Variants in MXD4 observed in about 807,000 individuals in gnomAD.
The protein encoded by MXD4 is MAX dimerization protein 4, also known as Mad4 homolog.
A neutral mutation model predicts 24.5 loss-of-function variants in MXD4; 16 were observed. The observed-to-expected ratio is 0.65, with a 90% confidence interval of 0.44 to 0.99. The LOEUF (loss-of-function observed/expected upper bound fraction) is 0.99, where lower values mean the gene tolerates loss of function less well. MXD4 is among the 50% of genes least tolerant of loss of function. The pLI, the probability that MXD4 is intolerant of heterozygous loss-of-function variation, is 0.00. For synonymous variants in MXD4, 164 were observed against 134.2 expected, an observed-to-expected ratio of 1.22 and a Z score of -1.54; for missense variants, 301 against 301.5, an observed-to-expected ratio of 1.00 and a Z score of 0.01.
intron 2 of MXD4, among the ~76,000 whole-genome samples, chr4:2,260,197 G>A (rs1174313867): frequency 1.3e-5 from 2 of 152,192 alleles, no homozygotes; most frequent in Non-Finnish European, 2.9e-5. Flanking sequence ...GGAGCCCTCT[G>A]TCTCCCTCAC....
Position 2,252,487 on chromosome 4 carries a change from T to C in MXD4, c.230A>G (p.Lys77Arg), listed in dbSNP as rs778660402. 1.4e-5 allele frequency: 22 copies of C among 1,612,332 alleles called. No homozygotes were observed. The Admixed American group carries it at 3.3e-4, about 24-fold the overall frequency. Reference sequence around the variant, plus strand: ...GTCGGGGCCCAGGGGCACCAGTTGCTTGAGCTGCTCAAGGTACAGCCTGAG... The same window carrying C: ...GTCGGGGCCCAGGGGCACCAGTTGCCTGAGCTGCTCAAGGTACAGCCTGAG... ...AKLRLYLEQL[K>R]QLVPLGPDST... Residue 77 changes from lysine (K) to arginine (R), a missense_variant, in exon 4 of 6, where the codon AAG becomes AGG. Physicochemically the swap from Lys to Arg is conservative, Grantham distance 26. Transcript: ENST00000337190.
chr4:2,252,194 G>C (rs985494441), intron 4 of MXD4, among the ~76,000 whole-genome samples: 6 of 152,058 alleles, frequency 3.9e-5, no homozygotes, highest in South Asian at 2.1e-4. Context: ...ACAAGCCACG[G>C]AACAGCCTCG....
intron 5 of MXD4, 76 bp from the exon 6 acceptor site, chr4:2,250,777 A>C (rs1407983216): frequency 6.5e-7 from 1 of 1,538,906 alleles, no homozygotes; most frequent in Non-Finnish European, 8.8e-7. Flanking sequence ...CTGGAAGCAG[A>C]AGCTCTAGGC....
At chr4:2,261,646 T>C in intron 2 of MXD4, 79 bp downstream of exon 2, 1 of 849,274 alleles carries the variant, frequency 1.2e-6, no homozygotes, top group Non-Finnish European at 1.5e-6. Context: ...GGGCCGGGAA[T>C]CGGGGCCCGG....
chr4:2,255,416 G>A (rs1189369910), intron 3 of MXD4: 4 of 456,024 alleles, frequency 8.8e-6, no homozygotes, highest in African/African-American at 8.0e-5. Flanking sequence ...CCCAGTAACA[G>A]GTCCACCTGG....
Position 2,252,465 on chromosome 4 carries a change from G to A in MXD4, c.252C>T (p.Pro84=), listed in dbSNP as rs756068425. The change falls in exon 4 of 6, where the codon CCC becomes CCT. Residue 84 remains proline (P), a synonymous_variant. Coordinates refer to ENST00000337190, the MANE Select transcript of MXD4 (RefSeq NM_006454.3). ...EQLKQLVPLG[P]DSTRHTTLSL... is the part of the protein sequence containing the mutation. ...TCAGCGTGGTGTGGCGGGTGCTGTC[G>A]GGGCCCAGGGGCACCAGTTGCTTGA... is the stretch of plus-strand genomic sequence containing the variant. 6.8e-6 allele frequency: 11 copies of A among 1,611,506 alleles called. No individual in the cohort carries two copies. The Admixed American group carries it at 8.3e-5, about 12-fold the overall frequency.
intron 2 of MXD4, chr4:2,258,913 C>T: frequency 2.2e-6 from 1 of 456,142 alleles, no homozygotes; most frequent in South Asian, 1.5e-5. Context: ...CGCGGGCACA[C>T]AATTCCCAGC....
intron 3 of MXD4, among the ~76,000 whole-genome samples, chr4:2,255,660 C>T (rs753231037): frequency 1.3e-5 from 2 of 152,226 alleles, no homozygotes; most frequent in Non-Finnish European, 2.9e-5. Flanking sequence ...ACGGCTGTCC[C>T]TGGGCATCCA....
chr4:2,250,790 A>G lies in MXD4; in HGVS notation c.473-89T>C, dbSNP rs535527863. The G allele has an allele frequency of 4.0e-5, 60 of 1,485,790 alleles. No individual in the cohort carries two copies. In the East Asian group the frequency reaches 1.3e-3, roughly 33 times the overall value. 92.0% of individuals were successfully genotyped at this position (1,485,790 alleles called of 1,614,324 possible). Reference sequence around the variant, plus strand: ...TTCTGGAAGCAGAAGCTCTAGGCAGAGGGGCAGAAGTGCGGAGGGCGCTGT... The same window carrying G: ...TTCTGGAAGCAGAAGCTCTAGGCAGGGGGGCAGAAGTGCGGAGGGCGCTGT... On this transcript the variant is annotated intron_variant, in intron 5 of 5. Transcript: ENST00000337190.
At chr4:2,253,136 GC>G (rs1735357961) in intron 3 of MXD4, 2 of 153,910 alleles carry the variant, frequency 1.3e-5, no homozygotes, top group African/African-American at 4.8e-5. Flanking sequence ...AGTGGTGCTT[GC>G]TTGCTTGTTC....
Position 2,251,131 on chromosome 4 carries a change from C to T in MXD4, c.425G>A (p.Arg142His), listed in dbSNP as rs1363301183. The T allele has an allele frequency of 3.8e-6, 6 of 1,599,832 alleles. No individual in the cohort carries two copies. The highest frequency in any genetic ancestry group is 1.7e-5 in the Admixed American group (1 of 58,750). Residue 142 changes from arginine (R) to histidine (H), a missense_variant, in exon 5 of 6, where the codon CGC (arginine) becomes CAC (histidine). Physicochemically the swap from Arg to His is conservative, Grantham distance 29 (BLOSUM62 0). Coordinates refer to ENST00000337190, the MANE Select transcript of MXD4 (RefSeq NM_006454.3). The part of the protein sequence containing the change: ...QLSVQSVERV[R>H]TDSTGSAVST... ...GACAGCAGAGCCCGTGCTATCTGTG[C>T]GCACGCGCTCCACGCTCTGCACCGA...
At chr4:2,258,084 T>C in intron 2 of MXD4, 73 bp from the exon 3 acceptor site, 1 of 1,580,652 alleles carries the variant, frequency 6.3e-7, no homozygotes. Context: ...AGTGCTCTCC[T>C]AGGGGGCCAG....
In MXD4 at chr4:2,258,002, G is replaced by C; in HGVS notation, c.174C>G (p.His58Gln). Residue 58 changes from histidine (H) to glutamine (Q), a missense_variant, in exon 3 of 6, where the codon CAC (histidine) becomes CAG (glutamine). Physicochemically the swap from His to Gln is conservative, Grantham distance 24 (BLOSUM62 0). Transcript: ENST00000337190. ...VRKAPNNRSS[H>Q]NELEKHRRAK... ...CTTACCTGTGCTTTTCTAGCTCGTT[G>C]TGTGAAGACCTGTTTAGAAAGACAG... is the stretch of plus-strand genomic sequence containing the variant. 1 of 1,613,724 alleles carries C rather than the reference G, an allele frequency of 6.2e-7. No individual in the cohort carries two copies. Among genetic ancestry groups the C allele is most frequent in the East Asian group, 2.2e-5 (1 of 44,888 alleles).
In MXD4 at chr4:2,248,821, TG is replaced by T. The variant is rs1331666762; in HGVS notation, c.*1722del. ...CCATGATATGGGAATTGGCTACAGA[TG>T]TACCAGAGGCACGGCAGGCACTGCT... On this transcript the variant is annotated 3_prime_UTR_variant, in exon 6 of 6. Transcript: ENST00000337190. 6.6e-6 allele frequency: 1 copy of T among 152,256 alleles called. No homozygotes were observed. Among genetic ancestry groups the T allele is most frequent in the African/African-American group, 2.4e-5 (1 of 41,466 alleles). 9.4% of individuals were successfully genotyped at this position (152,256 alleles called of 1,614,324 possible). A position where few individuals can be genotyped will look rare whatever the true frequency, so the allele number is the denominator to read the frequency against.
chr4:2,249,719 G>A lies in MXD4; in HGVS notation c.*825C>T, dbSNP rs1179375529. Reference sequence around the variant, plus strand: ...GCAGACAGGCAGGACTACTGGGTGGGCGTGGGTGAGCAGGAGCTAGAGGGG... The same window carrying A: ...GCAGACAGGCAGGACTACTGGGTGGACGTGGGTGAGCAGGAGCTAGAGGGG... On this transcript the variant is annotated 3_prime_UTR_variant, in exon 6 of 6. Coordinates refer to ENST00000337190, the MANE Select transcript of MXD4 (RefSeq NM_006454.3). The A allele has an allele frequency of 6.6e-6, 1 of 152,318 alleles. No homozygotes were observed. The highest frequency in any genetic ancestry group is 1.5e-5 in the Non-Finnish European group (1 of 68,104). 9.4% of individuals were successfully genotyped at this position (152,318 alleles called of 1,614,324 possible).
intron 2 of MXD4, 52 bp downstream of exon 2, chr4:2,261,673 G>C (rs1193262890): frequency 3.7e-6 from 4 of 1,094,410 alleles, no homozygotes; most frequent in African/African-American, 3.4e-5. Flanking sequence ...CGCTCCGGGC[G>C]GGGGCGGGGG....
intron 2 of MXD4, chr4:2,258,992 GCC>G (rs1358400623): frequency 2.2e-6 from 1 of 455,232 alleles, no homozygotes; most frequent in Non-Finnish European, 4.4e-6. Context: ...CCAGCTCCAG[GCC>G]ACCTTCCGTG....
In MXD4 at chr4:2,248,446, C is replaced by T. The variant is rs1735243143; in HGVS notation, c.*2098G>A. ...GAATTGAGGGCAGGGACACGACCAC[C>T]TCAGGGCCCTGCAGTGCTGGCTGGG... On this transcript the variant is annotated 3_prime_UTR_variant, in exon 6 of 6. Transcript: ENST00000337190. 6.6e-6 allele frequency: 1 copy of T among 152,544 alleles called. No homozygotes were observed. 9.4% of individuals were successfully genotyped at this position (152,544 alleles called of 1,614,324 possible).
In MXD4 at chr4:2,250,585, C is replaced by G. The variant is rs780860666; in HGVS notation, c.589G>C (p.Gly197Arg). Reference sequence around the variant, plus strand: ...CGGCCCAGCCGCCGGCAGTGGGGCCCGAAGCCACTGTCGCCGCCGGTGCCA... The same window carrying G: ...CGGCCCAGCCGCCGGCAGTGGGGCCGGAAGCCACTGTCGCCGCCGGTGCCA... ...QSGTGGDSGF[G>R]PHCRRLGRPA... is the part of the protein sequence containing the mutation. Residue 197 changes from glycine to arginine, a missense_variant, in exon 6 of 6, where the codon GGG (glycine) becomes CGG (arginine). By Grantham distance (125) the Gly-to-Arg change is moderately radical. Coordinates refer to ENST00000337190, the MANE Select transcript of MXD4 (RefSeq NM_006454.3). The G allele has an allele frequency of 6.2e-7, 1 of 1,608,754 alleles. No individual in the cohort carries two copies. Among genetic ancestry groups the G allele is most frequent in the South Asian group, 1.1e-5 (1 of 90,498 alleles).
Sources: allele counts gnomAD v4.1 joint callset (sites outside exome capture counted in the v4.1 genomes callset), GRCh38; gene constraint gnomAD v4.1.1; transcripts MANE v1.5; gene names NCBI Gene and HGNC (gene_info 2026-07-23, HGNC 2026-07-21).